The following VPS13A variants were observed in gnomAD, a reference collection of about 807,000 sequenced individuals.
VPS13A encodes vacuolar protein sorting 13 homolog A.
A neutral mutation model predicts 390.9 loss-of-function variants in VPS13A; 264 were observed. The ratio of observed to expected loss-of-function variants is 0.68; its 90% CI spans 0.61 to 0.75. VPS13A has a LOEUF of 0.75. Ranked by LOEUF, VPS13A falls within the 30% of genes least tolerant of loss-of-function variation. The pLI, the probability that VPS13A is intolerant of heterozygous loss-of-function variation, is 0.00. For missense variants in VPS13A, 3,409 were observed against 3,733.9 expected (o/e 0.91, Z 2.27); for synonymous variants, 1,231 against 1,227.1 (o/e 1.00, Z -0.07).
At chr9:77,304,158 C>T (rs1587536612) in intron 34 of VPS13A, among the ~76,000 whole-genome samples, 1 of 152,134 alleles carries the variant, frequency 6.6e-6, no homozygotes, top group Non-Finnish European at 1.5e-5. Flanking sequence ...TTTATTGAGA[C>T]TAGAGAATGG....
intron 4 of VPS13A, 60 bp downstream of exon 4, chr9:77,205,468 T>C: frequency 1.3e-6 from 1 of 797,684 alleles, no homozygotes; most frequent in Admixed American, 3.3e-5. Flanking sequence ...TGGAAAAATA[T>C]TTATATTCAA....
At chr9:77,378,773 T>C (rs1833257568) in intron 67 of VPS13A, among the ~76,000 whole-genome samples, 1 of 151,982 alleles carries the variant, frequency 6.6e-6, no homozygotes, top group Admixed American at 6.5e-5. Context: ...TCTCAACTTG[T>C]GAAGTTATAT....
Position 77,283,341 on chromosome 9 carries a change from A to ATT in VPS13A, c.3119-6_3119-5dup. On this transcript the variant is annotated splice_polypyrimidine_tract_variant and intron_variant, in intron 29 of 71. Coordinates refer to ENST00000360280, the MANE Select transcript of VPS13A (RefSeq NM_033305.3). Reference sequence around the variant, plus strand: ...TTTTTCCTCATGTTTTATAATATGAATTTTTTTTTGCAGCTTTAAAACTAT... The same window carrying ATT: ...TTTTTCCTCATGTTTTATAATATGAATTTTTTTTTTTGCAGCTTTAAAACTAT... The ATT allele has an allele frequency of 6.9e-7, 1 of 1,443,898 alleles. No homozygotes were observed. 89.4% of individuals were successfully genotyped at this position (1,443,898 alleles called of 1,614,324 possible). A position where few individuals can be genotyped will look rare whatever the true frequency, so the allele number is the denominator to read the frequency against.
At chr9:77,198,880 C>T (rs1238408874) in intron 1 of VPS13A, among the ~76,000 whole-genome samples, 1 of 152,156 alleles carries the variant, frequency 6.6e-6, no homozygotes, top group African/African-American at 2.4e-5. Context: ...TCAGGCTGGT[C>T]TCGAACTGCT....
chr9:77,295,480 A>G, intron 32 of VPS13A, 62 bp from the exon 33 acceptor site: 16 of 1,362,416 alleles, frequency 1.2e-5, no homozygotes, highest in Non-Finnish European at 1.6e-5. Context: ...ATAAATATCA[A>G]TATATATTTA....
At chr9:77,405,759 T>C in intron 69 of VPS13A, 105 bp from the exon 70 acceptor site, 1 of 1,387,932 alleles carries the variant, frequency 7.2e-7, no homozygotes, top group East Asian at 2.4e-5. Flanking sequence ...TAGTCTATGT[T>C]GATGAATATT....
At chr9:77,316,641 G>T (rs1156789542) in intron 39 of VPS13A, among the ~76,000 whole-genome samples, 3 of 152,022 alleles carry the variant, frequency 2.0e-5, no homozygotes, top group East Asian at 3.8e-4. Context: ...AAGAAGTTGG[G>T]TTCATCTTGA....
intron 35 of VPS13A, among the ~76,000 whole-genome samples, chr9:77,312,677 A>G (rs902445916): frequency 6.6e-6 from 1 of 152,070 alleles, no homozygotes; most frequent in African/African-American, 2.4e-5. Flanking sequence ...GGCCTCCCAA[A>G]GTGCTGGGAT....
At chr9:77,281,439 A>G (rs764145343) in intron 27 of VPS13A, among the ~76,000 whole-genome samples, 1 of 152,158 alleles carries the variant, frequency 6.6e-6, no homozygotes, top group African/African-American at 2.4e-5. Flanking sequence ...AATCAAAAAT[A>G]TTAAATTTTT....
intron 68 of VPS13A, among the ~76,000 whole-genome samples, chr9:77,391,042 A>G (rs1230230075): frequency 6.6e-6 from 1 of 152,214 alleles, no homozygotes; most frequent in Non-Finnish European, 1.5e-5. Context: ...TGAGTCTTAC[A>G]TCTTTTTAAT....
chr9:77,417,286 C>T lies in VPS13A; in HGVS notation c.*1280C>T, dbSNP rs1835198336. On this transcript the variant is annotated 3_prime_UTR_variant, in exon 72 of 72. Transcript: ENST00000360280. ...TTTGGAATTGAAGACTCTGTATAGT[C>T]AATAGTTGTGAAATTCTTCTCAGGC... 1 of 152,112 alleles carries T rather than the reference C, an allele frequency of 6.6e-6. No homozygotes were observed. Among genetic ancestry groups the T allele is most frequent in the African/African-American group, 2.4e-5 (1 of 41,416 alleles). 9.4% of individuals were successfully genotyped at this position (152,112 alleles called of 1,614,324 possible).
Position 77,273,301 on chromosome 9 carries a change from G to T in VPS13A, c.2449G>T (p.Gly817Ter). The stretch of plus-strand genomic sequence containing the variant: ...TCAGATTCAAACATCTACTTCTTTG[G>T]GAACATCACAGATTTCACAGAAAAT... ...SFQIQTSTSL[G>*]TSQISQKIIP... The change falls in exon 24 of 72, where the codon GGA (glycine) becomes TGA (stop). Residue 817 changes from glycine to a stop codon, truncating the protein, a stop_gained. Coordinates refer to ENST00000360280, the MANE Select transcript of VPS13A (RefSeq NM_033305.3). LOFTEE classifies it high-confidence loss of function. The T allele has an allele frequency of 6.2e-7, 1 of 1,611,648 alleles. No individual in the cohort carries two copies. The highest frequency in any genetic ancestry group is 8.5e-7 in the Non-Finnish European group (1 of 1,178,794).
At chr9:77,344,114 T>C in intron 50 of VPS13A, 39 bp from the exon 51 acceptor site, 3 of 1,474,780 alleles carry the variant, frequency 2.0e-6, no homozygotes, top group Non-Finnish European at 1.9e-6. Context: ...TATGGTGAAA[T>C]CTGTTTATTT....
intron 5 of VPS13A, among the ~76,000 whole-genome samples, chr9:77,206,730 C>A (rs2131128484): frequency 6.6e-6 from 1 of 152,230 alleles, no homozygotes; most frequent in East Asian, 1.9e-4. Context: ...TATCTTGAAA[C>A]ATGAAGTCAT....
intron 13 of VPS13A, 120 bp from the exon 14 acceptor site, chr9:77,225,806 C>G: frequency 1.4e-6 from 1 of 731,210 alleles, no homozygotes; most frequent in South Asian, 1.7e-5. Context: ...GATGAATGTT[C>G]TGTTGTTTGC....
intron 19 of VPS13A, among the ~76,000 whole-genome samples, chr9:77,242,558 T>TA (rs1303467906): frequency 6.6e-6 from 1 of 152,068 alleles, no homozygotes; most frequent in East Asian, 1.9e-4. Context: ...TATTCTTTGT[T>TA]AAAATCTGGG....
At chr9:77,325,297 T>C (rs534294887) in intron 45 of VPS13A, among the ~76,000 whole-genome samples, 4 of 152,226 alleles carry the variant, frequency 2.6e-5, no homozygotes, top group African/African-American at 9.6e-5. Context: ...GCCCACTTCT[T>C]AACAGGCCAC....
At chr9:77,389,426 C>T (rs1290843355) in intron 68 of VPS13A, among the ~76,000 whole-genome samples, 1 of 151,900 alleles carries the variant, frequency 6.6e-6, no homozygotes, top group Non-Finnish European at 1.5e-5. Context: ...CTGCTCCACC[C>T]TCCCAAGTAG....
rs747327918 is a variant in VPS13A at position 77,318,389 on chromosome 9, A to G, written c.5111A>G (p.Asn1704Ser). The stretch of plus-strand genomic sequence containing the variant: ...AAAATGTGGTTTCTTGAAGAATCAA[A>G]TGAAACTGAAAAAATAGCTCCCACA... ...TLKMWFLEESNETEKIAPTTE... is the reference protein window; with the variant it reads ...TLKMWFLEESSETEKIAPTTE... Residue 1704 changes from asparagine to serine, a missense_variant, in exon 41 of 72, where the codon AAT (asparagine) becomes AGT (serine). This residue lies in a region of VPS13A where 2,717 missense variants were observed against 2,917.4 expected (regional missense o/e 0.93). Coordinates refer to ENST00000360280, the MANE Select transcript of VPS13A (RefSeq NM_033305.3). 1 of 1,613,984 alleles carries G rather than the reference A, an allele frequency of 6.2e-7. No individual in the cohort carries two copies. The highest frequency in any genetic ancestry group is 1.1e-5 in the South Asian group (1 of 91,072).
Sources: allele counts gnomAD v4.1 joint callset (sites outside exome capture counted in the v4.1 genomes callset), GRCh38; gene constraint gnomAD v4.1.1; regional missense constraint gnomAD v4.1.1; transcripts MANE v1.5; gene names NCBI Gene and HGNC (gene_info 2026-07-23, HGNC 2026-07-21).